LRRC4C: variants seen among roughly 807,000 people sequenced by gnomAD.
LRRC4C encodes the protein leucine rich repeat containing 4C, also known as leucine-rich repeat-containing protein 4C.
A neutral mutation model predicts 33.6 loss-of-function variants in LRRC4C; 5 were observed. The observed-to-expected ratio is 0.15, with a 90% CI of 0.08 to 0.31. The LOEUF is 0.31. LRRC4C is among the 10% of genes least tolerant of loss of function. The pLI, the probability that LRRC4C is intolerant of heterozygous loss-of-function variation, is 1.00. For synonymous variants in LRRC4C, 329 were observed against 302.0 expected, an observed-to-expected ratio of 1.09 and a Z score of -0.93; for missense variants, 560 against 796.7, an observed-to-expected ratio of 0.70 and a Z score of 3.58.
At chr11:41,089,854 T>C (rs1237314550) in intron 1 of LRRC4C, among the ~76,000 whole-genome samples, 2 of 152,016 alleles carry the variant, frequency 1.3e-5, no homozygotes, top group Admixed American at 1.3e-4. Flanking sequence ...AAAATATAGA[T>C]TTCTAATTTT....
intron 1 of LRRC4C, among the ~76,000 whole-genome samples, chr11:41,021,587 C>G (rs144998478): frequency 1.3e-5 from 2 of 152,148 alleles, no homozygotes; most frequent in Admixed American, 6.6e-5. Context: ...ATATCACCAC[C>G]ATTTTAGATA....
Position 40,613,646 on chromosome 11 carries a change from C to T in LRRC4C, c.-270+34496G>A, listed in dbSNP as rs192021061. 3.3e-5 allele frequency among the ~76,000 whole-genome samples: 5 copies of T among 151,862 alleles called. No homozygotes were observed. In the East Asian group the frequency reaches 9.7e-4, roughly 29 times the overall value. On this transcript the variant is annotated intron_variant, in intron 3 of 6. Coordinates refer to ENST00000528697, the MANE Select transcript of LRRC4C (RefSeq NM_001258419.2). The stretch of plus-strand genomic sequence containing the variant: ...ATTAAACAATTATTTTAAATACCAT[C>T]TAGGATGGTGAATCCTTTCTACAAG...
chr11:40,922,215 G>A (rs768836602), intron 2 of LRRC4C, among the ~76,000 whole-genome samples: 5 of 151,490 alleles, frequency 3.3e-5, no homozygotes, highest in African/African-American at 7.3e-5. Context: ...TTACCACTCC[G>A]TACAAGTTTT....
At chr11:41,416,233 C>G (rs1218291374) in intron 1 of LRRC4C, among the ~76,000 whole-genome samples, 1 of 152,004 alleles carries the variant, frequency 6.6e-6, no homozygotes, top group Non-Finnish European at 1.5e-5. Context: ...CCATCCACCC[C>G]TACTCACACT....
chr11:40,901,155 T>G (rs1956179791), intron 2 of LRRC4C, among the ~76,000 whole-genome samples: 1 of 152,092 alleles, frequency 6.6e-6, no homozygotes, highest in African/African-American at 2.4e-5. Context: ...CTGATCTTAT[T>G]TTTTAAAAAG....
At chr11:41,349,867 C>T (rs1214644142) in intron 1 of LRRC4C, among the ~76,000 whole-genome samples, 3 of 152,044 alleles carry the variant, frequency 2.0e-5, no homozygotes, top group African/African-American at 7.2e-5. Flanking sequence ...ATAATAGATC[C>T]ATTATATGTT....
intron 1 of LRRC4C, among the ~76,000 whole-genome samples, chr11:41,101,965 GC>G: frequency 6.6e-6 from 1 of 152,018 alleles, no homozygotes; most frequent in East Asian, 1.9e-4. Context: ...AAAGCAACAG[GC>G]ACTGGGGCCT....
chr11:40,424,694 G>A (rs1311350691), intron 3 of LRRC4C, among the ~76,000 whole-genome samples: 1 of 152,092 alleles, frequency 6.6e-6, no homozygotes, highest in African/African-American at 2.4e-5. Flanking sequence ...TAACAATATG[G>A]AATGATGTCA....
chr11:40,482,605 G>A (rs1953638243), intron 3 of LRRC4C, among the ~76,000 whole-genome samples: 1 of 152,002 alleles, frequency 6.6e-6, no homozygotes, highest in East Asian at 1.9e-4. Flanking sequence ...GAGTAGCTGG[G>A]ACTACAGGCA....
intron 1 of LRRC4C, among the ~76,000 whole-genome samples, chr11:41,364,701 G>A (rs1376734472): frequency 3.3e-5 from 5 of 152,202 alleles, no homozygotes; most frequent in East Asian, 1.9e-4. Context: ...TTTTTACTTC[G>A]ACTTGCTCAA....
At chr11:40,138,374 T>G (rs931782049) in intron 6 of LRRC4C, among the ~76,000 whole-genome samples, 5 of 152,178 alleles carry the variant, frequency 3.3e-5, no homozygotes, top group African/African-American at 1.2e-4. Flanking sequence ...TCTTGCTATG[T>G]TGTCCAGGCT....
chr11:40,897,873 C>T (rs1249979376), intron 2 of LRRC4C, among the ~76,000 whole-genome samples: 2 of 152,136 alleles, frequency 1.3e-5, no homozygotes, highest in Non-Finnish European at 2.9e-5. Context: ...AACTGGCTAC[C>T]CCATGGCATA....
chr11:40,635,297 T>C (rs973056263), intron 3 of LRRC4C, among the ~76,000 whole-genome samples: 1 of 152,332 alleles, frequency 6.6e-6, no homozygotes, highest in Non-Finnish European at 1.5e-5. Context: ...TTAAGCTAGT[T>C]GTCTACAGGA....
chr11:40,907,257 C>T (rs554812104), intron 2 of LRRC4C, among the ~76,000 whole-genome samples: 2 of 152,258 alleles, frequency 1.3e-5, no homozygotes, highest in South Asian at 2.1e-4. Flanking sequence ...TGCTGAGTAA[C>T]TTTTTCCTGT....
At chr11:40,202,033 T>G (rs1254005954) in intron 5 of LRRC4C, among the ~76,000 whole-genome samples, 1 of 152,112 alleles carries the variant, frequency 6.6e-6, no homozygotes, top group Non-Finnish European at 1.5e-5. Context: ...TCTCATTTCC[T>G]ACACTTATAA....
At chr11:41,138,668 A>G (rs1285115193) in intron 1 of LRRC4C, among the ~76,000 whole-genome samples, 3 of 152,176 alleles carry the variant, frequency 2.0e-5, no homozygotes, top group Non-Finnish European at 4.4e-5. Flanking sequence ...TGAATATCCA[A>G]TTGTACCAGA....
intron 2 of LRRC4C, among the ~76,000 whole-genome samples, chr11:40,794,748 G>T (rs1357063882): frequency 1.3e-5 from 2 of 152,066 alleles, no homozygotes; most frequent in Non-Finnish European, 2.9e-5. Context: ...ATATGAGTAG[G>T]ACTCATCAAA....
chr11:41,356,641 GT>G (rs1952172511), intron 1 of LRRC4C, among the ~76,000 whole-genome samples: 1 of 152,108 alleles, frequency 6.6e-6, no homozygotes, highest in South Asian at 2.1e-4. Flanking sequence ...TAGAGAAGGG[GT>G]TAGGAAGTGG....
At chr11:40,333,146 AT>A (rs1219704872) in intron 3 of LRRC4C, among the ~76,000 whole-genome samples, 4 of 151,550 alleles carry the variant, frequency 2.6e-5, no homozygotes, top group African/African-American at 2.4e-5. Context: ...CTCACTTTCA[AT>A]TTTTTTTTGA....
Sources: allele counts gnomAD v4.1 joint callset (sites outside exome capture counted in the v4.1 genomes callset), GRCh38; gene constraint gnomAD v4.1.1; transcripts MANE v1.5; gene names NCBI Gene and HGNC (gene_info 2026-07-23, HGNC 2026-07-21).